AOPEP: variants seen among roughly 807,000 people sequenced by gnomAD.
AOPEP encodes aminopeptidase O (putative).
Under a neutral mutation model 98.1 loss-of-function variants are expected in AOPEP, and 77 were observed. That is an observed-to-expected ratio of 0.78 (90% CI 0.65 to 0.95). The LOEUF (loss-of-function observed/expected upper bound fraction) is 0.95. Ranked by LOEUF, AOPEP falls within the 40% of genes least tolerant of loss-of-function variation. The probability of loss-of-function intolerance (pLI) is 0.00; values close to 1 mark genes in which losing one functional copy is unlikely to be tolerated. For missense variants in AOPEP, 1,024 were observed against 1,024.7 expected (o/e 1.00, Z 0.01); for synonymous variants, 346 against 365.3 (o/e 0.95, Z 0.60).
chr9:95,024,346 G>A (rs932857989), intron 13 of AOPEP, among the ~76,000 whole-genome samples: 1 of 152,206 alleles, frequency 6.6e-6, no homozygotes, highest in African/African-American at 2.4e-5. Context: ...TCAACAGAGA[G>A]TAGCAGTTCA....
chr9:94,790,292 G>A (rs1845422362), intron 3 of AOPEP, among the ~76,000 whole-genome samples: 1 of 151,854 alleles, frequency 6.6e-6, no homozygotes, highest in Non-Finnish European at 1.5e-5. Context: ...TCAGCCTCCC[G>A]AGTAGCTGGG....
chr9:94,969,074 A>G (rs1258462151), intron 10 of AOPEP, among the ~76,000 whole-genome samples: 1 of 152,192 alleles, frequency 6.6e-6, no homozygotes, highest in East Asian at 1.9e-4. Flanking sequence ...TTTTAGCCCA[A>G]GCAGTCTGGC....
chr9:94,852,006 C>T (rs2043609664), intron 5 of AOPEP, among the ~76,000 whole-genome samples: 1 of 151,948 alleles, frequency 6.6e-6, no homozygotes, highest in African/African-American at 2.4e-5. Flanking sequence ...ACTGTGATGA[C>T]AGTAGATGTC....
intron 5 of AOPEP, among the ~76,000 whole-genome samples, chr9:94,875,354 A>AG (rs2046814855): frequency 6.8e-6 from 1 of 147,270 alleles, no homozygotes; most frequent in African/African-American, 2.5e-5. Context: ...CAAGAAAAAA[A>AG]AAAAAAAAAA....
chr9:95,014,791 T>C (rs1324822493), intron 13 of AOPEP, among the ~76,000 whole-genome samples: 4 of 152,234 alleles, frequency 2.6e-5, no homozygotes, highest in Non-Finnish European at 5.9e-5. Flanking sequence ...TTTCAGTTTA[T>C]ATGTGCATAG....
the AOPEP span, among the ~76,000 whole-genome samples, chr9:95,121,415 A>G: frequency 6.6e-6 from 1 of 152,248 alleles, no homozygotes; most frequent in African/African-American, 2.4e-5. Flanking sequence ...GGGATCACTC[A>G]TAAACTGTTG....
At chr9:94,754,994 T>C (rs932483457) in intron 1 of AOPEP, among the ~76,000 whole-genome samples, 17 of 152,212 alleles carry the variant, frequency 1.1e-4, no homozygotes, top group African/African-American at 3.9e-4. Context: ...AAGAAAAATA[T>C]TACTGTACGC....
intron 13 of AOPEP, among the ~76,000 whole-genome samples, chr9:95,006,963 G>A (rs1428314052): frequency 6.7e-6 from 1 of 150,094 alleles, no homozygotes; most frequent in African/African-American, 2.5e-5. Context: ...GTGCAGTGGC[G>A]TGATCTCGGC....
intron 13 of AOPEP, among the ~76,000 whole-genome samples, chr9:95,027,330 C>T (rs1208904053): frequency 6.6e-6 from 1 of 152,138 alleles, no homozygotes; most frequent in Non-Finnish European, 1.5e-5. Context: ...GATGCCTATC[C>T]TCCCTACTCT....
intron 2 of AOPEP, among the ~76,000 whole-genome samples, chr9:94,771,789 T>C (rs934098752): frequency 6.6e-6 from 1 of 152,182 alleles, no homozygotes; most frequent in Middle Eastern, 3.2e-3. Context: ...TCCTGCCTCA[T>C]AACCCAGTAA....
At chr9:94,917,362 A>G (rs2052986367) in intron 5 of AOPEP, among the ~76,000 whole-genome samples, 1 of 152,202 alleles carries the variant, frequency 6.6e-6, no homozygotes, top group African/African-American at 2.4e-5. Context: ...AATAGGCCAC[A>G]GCTAACGCTA....
intron 13 of AOPEP, among the ~76,000 whole-genome samples, chr9:95,043,030 T>G (rs1255340458): frequency 6.6e-6 from 1 of 151,994 alleles, no homozygotes; most frequent in African/African-American, 2.4e-5. Context: ...GTCAGCACTT[T>G]GGGAGATCAA....
intron 2 of AOPEP, among the ~76,000 whole-genome samples, chr9:94,768,349 CA>C (rs111818606): frequency 2.7e-4 from 40 of 150,606 alleles, no homozygotes; most frequent in African/African-American, 8.5e-4. Context: ...CATTTTTAAA[CA>C]AAAAAAAACC....
At chr9:94,767,578 A>C (rs1204293095) in intron 2 of AOPEP, among the ~76,000 whole-genome samples, 2 of 152,190 alleles carry the variant, frequency 1.3e-5, no homozygotes, top group Non-Finnish European at 1.5e-5. Context: ...TCATTTCCTC[A>C]TCTGTAAAAC....
chr9:94,760,483 G>A lies in AOPEP; in HGVS notation c.700G>A (p.Ala234Thr). The A allele has an allele frequency of 6.2e-7, 1 of 1,612,388 alleles. No homozygotes were observed. The highest frequency in any genetic ancestry group is 1.3e-5 in the African/African-American group (1 of 74,924). ...TWSLQIRKTGAQTATDFPHAI... is the reference protein window; with the variant it reads ...TWSLQIRKTGTQTATDFPHAI... ...GAGCTTGCAGATAAGGAAGACAGGG[G>A]CTCAGACAGCTACTGACTTTCCTCA... The change falls in exon 2 of 17, where the codon GCT becomes ACT. Residue 234 changes from alanine to threonine, a missense_variant. Coordinates refer to ENST00000375315, the MANE Select transcript of AOPEP (RefSeq NM_001193329.3).
intron 10 of AOPEP, among the ~76,000 whole-genome samples, chr9:94,973,686 C>T (rs1328457211): frequency 6.6e-6 from 1 of 152,252 alleles, no homozygotes; most frequent in Non-Finnish European, 1.5e-5. Context: ...GGTTTCAGTA[C>T]TGAGGCGGAA....
At chr9:95,125,852 C>A in the AOPEP span, among the ~76,000 whole-genome samples, 2 of 152,156 alleles carry the variant, frequency 1.3e-5, no homozygotes, top group Non-Finnish European at 2.9e-5. Context: ...GGAAGAGGGG[C>A]TGGGACACTC....
intron 3 of AOPEP, among the ~76,000 whole-genome samples, chr9:94,789,938 A>G (rs561630257): frequency 1.6e-4 from 24 of 152,026 alleles, no homozygotes; most frequent in African/African-American, 5.3e-4. Flanking sequence ...CAGTGGCGCA[A>G]TCTCGGCTCA....
At chr9:95,133,029 G>A in the AOPEP span, among the ~76,000 whole-genome samples, 2 of 152,220 alleles carry the variant, frequency 1.3e-5, no homozygotes, top group Middle Eastern at 3.2e-3. Flanking sequence ...GGAGCACAGC[G>A]CAGCAGTCTC....
Sources: gnomAD v4.1 joint callset for allele counts (sites outside exome capture counted in the v4.1 genomes callset) on GRCh38, gnomAD v4.1.1 for gene constraint, MANE v1.5 for transcripts, NCBI Gene and HGNC (gene_info 2026-07-23, HGNC 2026-07-21) for gene names.